Variants in TSHZ2 observed in about 807,000 individuals in gnomAD.
The protein encoded by TSHZ2 is teashirt homolog 2.
Under a neutral mutation model 74.4 loss-of-function variants are expected in TSHZ2, and 21 were observed. That is an observed-to-expected ratio of 0.28 (90% CI 0.20 to 0.41). TSHZ2 has a LOEUF of 0.41. TSHZ2 is among the 10% of genes least tolerant of loss of function. The pLI is 1.00. For synonymous variants in TSHZ2, 540 were observed against 515.3 expected (o/e 1.05, Z -0.65); for missense variants, 1,244 against 1,293.5 (o/e 0.96, Z 0.59).
intron 1 of TSHZ2, among the ~76,000 whole-genome samples, chr20:53,118,840 A>C (rs1986736551): frequency 6.6e-6 from 1 of 152,196 alleles, no homozygotes; most frequent in South Asian, 2.1e-4. Context: ...TTATAAAGAA[A>C]AGAGCCTGTT....
At chr20:53,118,811 A>AT (rs2123344608) in intron 1 of TSHZ2, among the ~76,000 whole-genome samples, 1 of 152,280 alleles carries the variant, frequency 6.6e-6, no homozygotes, top group African/African-American at 2.4e-5. Context: ...CTTTAAAGCG[A>AT]TACCTGAGAC....
chr20:53,156,102 C>T (rs1046080458), intron 1 of TSHZ2, among the ~76,000 whole-genome samples: 10 of 152,106 alleles, frequency 6.6e-5, no homozygotes, highest in African/African-American at 2.4e-4. Context: ...ACAGTCCTCA[C>T]CATTCTCTGT....
At chr20:53,149,915 A>G (rs888105297) in intron 1 of TSHZ2, among the ~76,000 whole-genome samples, 1 of 152,212 alleles carries the variant, frequency 6.6e-6, no homozygotes, top group African/African-American at 2.4e-5. Flanking sequence ...TCCGTCACCA[A>G]ATGGATCTCC....
rs1040571210 is a variant in TSHZ2 at position 53,074,191 on chromosome 20, C to T, written c.40+100858C>T. ...CCTTCTCAATGGAGCCCTCCTTGAC[C>T]ACTCCCTTGTGAAGTTAGAGGATTC... On this transcript the variant is annotated intron_variant, in intron 1 of 2. Coordinates refer to ENST00000371497, the MANE Select transcript of TSHZ2 (RefSeq NM_173485.6). This position sits in a 1 kb window ranked among gnomAD's most constrained non-coding sequence, Gnocchi z 5.9. Among the ~76,000 whole-genome samples the T allele has an allele frequency of 4.6e-5, 7 of 152,198 alleles. No homozygotes were observed. Among genetic ancestry groups the T allele is most frequent in the Admixed American group, 6.5e-5 (1 of 15,284 alleles).
intron 2 of TSHZ2, among the ~76,000 whole-genome samples, chr20:53,273,642 G>A (rs1286986584): frequency 1.3e-5 from 2 of 152,210 alleles, no homozygotes; most frequent in East Asian, 1.9e-4. Context: ...TGGACAAGAG[G>A]GTCAGGAGTG....
At chr20:53,018,974 T>C (rs1410759136) in intron 1 of TSHZ2, among the ~76,000 whole-genome samples, 1 of 152,232 alleles carries the variant, frequency 6.6e-6, no homozygotes, top group Non-Finnish European at 1.5e-5. Context: ...TTCTTTTCTC[T>C]CATTTGCTCA....
intron 1 of TSHZ2, among the ~76,000 whole-genome samples, chr20:53,212,038 C>T (rs547406964): frequency 2.0e-5 from 3 of 152,246 alleles, no homozygotes; most frequent in South Asian, 2.1e-4. Flanking sequence ...TCAATCATAT[C>T]GAAGTGGCAT....
intron 1 of TSHZ2, among the ~76,000 whole-genome samples, chr20:53,227,958 A>G (rs1478988160): frequency 1.3e-5 from 2 of 150,890 alleles, no homozygotes; most frequent in African/African-American, 4.9e-5. Flanking sequence ...ATAAAAACAA[A>G]GTTTATATCA....
intron 1 of TSHZ2, among the ~76,000 whole-genome samples, chr20:53,078,813 T>C (rs938409555): frequency 6.6e-6 from 1 of 152,016 alleles, no homozygotes; most frequent in Non-Finnish European, 1.5e-5. Flanking sequence ...AATAATGGAG[T>C]GGGGGAAAAT....
At chr20:52,982,977 G>A (rs1718134393) in intron 1 of TSHZ2, among the ~76,000 whole-genome samples, 1 of 152,204 alleles carries the variant, frequency 6.6e-6, no homozygotes. Flanking sequence ...AGTGATGATG[G>A]ACTTGGGCAT....
chr20:53,071,265 G>A (rs769736970), intron 1 of TSHZ2, among the ~76,000 whole-genome samples: 7 of 152,160 alleles, frequency 4.6e-5, no homozygotes, highest in African/African-American at 7.2e-5. Flanking sequence ...ATACAGAGAC[G>A]GGAGCATTGT....
intron 2 of TSHZ2, among the ~76,000 whole-genome samples, chr20:53,439,079 A>G (rs559109837): frequency 6.6e-6 from 1 of 152,352 alleles, no homozygotes; most frequent in African/African-American, 2.4e-5. Context: ...TTTGTTCATC[A>G]TAAAGTACAT....
rs537182821 is a variant in TSHZ2, at chr20:53,376,360, G to A, written c.*9-110784G>A. Among the ~76,000 whole-genome samples the A allele has an allele frequency of 3.0e-4, 45 of 152,316 alleles. 1 individual carries two copies. The highest frequency in any genetic ancestry group is 6.2e-4 in the South Asian group (3 of 4,818). On this transcript the variant is annotated intron_variant, in intron 2 of 2. Coordinates refer to ENST00000371497, the MANE Select transcript of TSHZ2 (RefSeq NM_173485.6). The stretch of plus-strand genomic sequence containing the variant: ...TGTAATAAGCAATAAGTACAGTGAT[G>A]TTAAACCAAGCTGGAGAGATGAGCA...
chr20:53,036,959 A>G (rs1267019438), intron 1 of TSHZ2, among the ~76,000 whole-genome samples: 2 of 151,846 alleles, frequency 1.3e-5, no homozygotes, highest in African/African-American at 2.4e-5. Flanking sequence ...ATTCCTTTAC[A>G]TTTTAATAGC....
chr20:53,006,026 C>CACGT (rs1426670548), intron 1 of TSHZ2, among the ~76,000 whole-genome samples: 3 of 152,168 alleles, frequency 2.0e-5, no homozygotes, highest in Non-Finnish European at 4.4e-5. Flanking sequence ...GTGACACACA[C>CACGT]ACGTACATGT....
chr20:53,403,566 T>C (rs1195258913), intron 2 of TSHZ2, among the ~76,000 whole-genome samples: 2 of 152,162 alleles, frequency 1.3e-5, no homozygotes, highest in Admixed American at 6.5e-5. Context: ...GTCTGTGTCC[T>C]CCTTCATGTT....
chr20:53,232,904 GA>G (rs200948409), intron 1 of TSHZ2, among the ~76,000 whole-genome samples: 7 of 150,526 alleles, frequency 4.7e-5, no homozygotes, highest in Admixed American at 6.6e-5. Context: ...GCACCACTGA[GA>G]AAAAAAAATG....
At chr20:53,473,127 G>A (rs145371615) in intron 2 of TSHZ2, among the ~76,000 whole-genome samples, 24,234 of 140,082 alleles carry the variant, frequency 0.17, 2,425 homozygotes, top group East Asian at 0.25. Context: ...CAAAGCAGCC[G>A]GGAAGCTCCA....
chr20:53,084,768 T>C (rs1261069876), intron 1 of TSHZ2, among the ~76,000 whole-genome samples: 4 of 148,576 alleles, frequency 2.7e-5, no homozygotes, highest in African/African-American at 7.4e-5. Flanking sequence ...ATTCTGTATT[T>C]TAAAACCAGT....
Sources: gnomAD v4.1 joint callset for allele counts (sites outside exome capture counted in the v4.1 genomes callset) on GRCh38, gnomAD v4.1.1 for gene constraint, Gnocchi (gnomAD v3.1) non-coding constraint, MANE v1.5 for transcripts, NCBI Gene and HGNC (gene_info 2026-07-23, HGNC 2026-07-21) for gene names.